Variants in PCDH15 observed in about 807,000 individuals in gnomAD.
PCDH15 encodes protocadherin related 15.
A neutral mutation model predicts 178.5 loss-of-function variants in PCDH15; 129 were observed. That is an observed-to-expected ratio of 0.72 (90% CI 0.63 to 0.84). PCDH15 has a LOEUF of 0.84. PCDH15 is among the 40% of genes least tolerant of loss of function. The pLI is 0.00. For missense variants in PCDH15, 2,230 were observed against 2,099.9 expected (o/e 1.06, Z -1.21); for synonymous variants, 800 against 732.0 (o/e 1.09, Z -1.50).
At chr10:55,122,536 G>C (rs1158415032) in intron 2 of PCDH15, among the ~76,000 whole-genome samples, 2 of 151,962 alleles carry the variant, frequency 1.3e-5, no homozygotes. Context: ...TATAAGATTA[G>C]GCATGTAAGA....
rs527922287 is a variant in PCDH15, at chr10:54,373,694, T to C, written c.319-4419A>G. 2.6e-5 allele frequency among the ~76,000 whole-genome samples: 4 copies of C among 152,098 alleles called. No homozygotes were observed. In the South Asian group the frequency reaches 8.3e-4, roughly 32 times the overall value. On this transcript the variant is annotated intron_variant, in intron 4 of 37. Transcript: ENST00000644397. ...TTAGTCCTTGGATACTAATAGCAAC[T>C]TTTATAAAACTGATATGAGGTGATC...
At chr10:54,140,590 T>C (rs11516669) in intron 14 of PCDH15, among the ~76,000 whole-genome samples, 48,692 of 151,660 alleles carry the variant, frequency 0.32, 9,174 homozygotes, top group African/African-American at 0.52. Context: ...TTCCTCAGCC[T>C]CAGTCCTCAG....
intron 2 of PCDH15, among the ~76,000 whole-genome samples, chr10:55,165,579 T>G (rs992560889): frequency 2.6e-5 from 4 of 151,992 alleles, no homozygotes; most frequent in Non-Finnish European, 5.9e-5. Context: ...TTTTAACATA[T>G]TCAGTAGCAA....
At chr10:55,474,204 G>A (rs919301515) in intron 2 of PCDH15, among the ~76,000 whole-genome samples, 1 of 152,150 alleles carries the variant, frequency 6.6e-6, no homozygotes, top group Non-Finnish European at 1.5e-5. Context: ...GAAATATATA[G>A]GAAGTATAAG....
At chr10:54,657,328 G>C (rs530065549) in intron 2 of PCDH15, among the ~76,000 whole-genome samples, 74 of 152,284 alleles carry the variant, frequency 4.9e-4, no homozygotes, top group African/African-American at 1.8e-3. Flanking sequence ...CATTGCCACA[G>C]CCCAACAGGA....
intron 7 of PCDH15, among the ~76,000 whole-genome samples, chr10:54,322,478 C>T (rs1269470057): frequency 1.3e-5 from 2 of 151,924 alleles, no homozygotes; most frequent in South Asian, 2.1e-4. Flanking sequence ...ACAAGTTCAA[C>T]CAGTACTCTG....
At chr10:55,329,831 T>C (rs1844149307) in intron 2 of PCDH15, among the ~76,000 whole-genome samples, 1 of 151,706 alleles carries the variant, frequency 6.6e-6, no homozygotes, top group Admixed American at 6.6e-5. Flanking sequence ...ATTGGGCATA[T>C]TTTTTTCCAT....
intron 1 of PCDH15, among the ~76,000 whole-genome samples, chr10:55,235,906 CAAAAAAA>C (rs144784085): frequency 4.3e-5 from 5 of 115,694 alleles, no homozygotes; most frequent in African/African-American, 1.3e-4. Context: ...GACTCCATGT[CAAAAAAA>C]AAAAAAAAAA....
chr10:53,992,747 A>G (rs1370990634), intron 21 of PCDH15, among the ~76,000 whole-genome samples: 2 of 152,218 alleles, frequency 1.3e-5, no homozygotes, highest in Non-Finnish European at 2.9e-5. Flanking sequence ...ATGATCAGTC[A>G]TTCACTATTC....
At chr10:54,068,431 A>G (rs1425153652) in intron 17 of PCDH15, among the ~76,000 whole-genome samples, 10 of 152,184 alleles carry the variant, frequency 6.6e-5, no homozygotes, top group Non-Finnish European at 1.5e-4. Flanking sequence ...GAACATCATT[A>G]TATAGTCAAA....
At chr10:54,568,724 A>T (rs1225413310) in intron 2 of PCDH15, 2 of 152,152 alleles carry the variant, frequency 1.3e-5, no homozygotes, top group East Asian at 1.9e-4. Context: ...AACTTCATAT[A>T]AATGAAATAA....
intron 2 of PCDH15, among the ~76,000 whole-genome samples, chr10:54,536,836 T>G (rs2084586696): frequency 6.6e-6 from 1 of 152,134 alleles, no homozygotes; most frequent in Admixed American, 6.5e-5. Context: ...TTCATTCTAT[T>G]TTTATGGCTG....
At chr10:53,973,607 T>C (rs1445958349) in intron 21 of PCDH15, among the ~76,000 whole-genome samples, 1 of 152,146 alleles carries the variant, frequency 6.6e-6, no homozygotes, top group African/African-American at 2.4e-5. Context: ...GTAAATTACT[T>C]TTTTGGTTCC....
rs989192489 is a variant in PCDH15, at chr10:54,735,502, C to T, written c.-29+65423G>A. Among the ~76,000 whole-genome samples the T allele has an allele frequency of 5.9e-4, 89 of 149,962 alleles. 1 individual carries two copies. Among genetic ancestry groups the T allele is most frequent in the Non-Finnish European group, 1.1e-3 (77 of 67,416 alleles). ...AACTAGAAATACCATTTGACCCAGC[C>T]ATCTCATTACTGGGTATATACCCAA... On this transcript the variant is annotated intron_variant, in intron 1 of 37. Transcript: ENST00000644397.
intron 2 of PCDH15, among the ~76,000 whole-genome samples, chr10:55,141,384 C>CA (rs1312550015): frequency 6.6e-6 from 1 of 151,738 alleles, no homozygotes; most frequent in African/African-American, 2.4e-5. Context: ...CAAAAAGCTG[C>CA]AAAAAGGGAT....
At chr10:54,895,621 C>T (rs773088774) in intron 3 of PCDH15, among the ~76,000 whole-genome samples, 5 of 152,066 alleles carry the variant, frequency 3.3e-5, no homozygotes, top group Admixed American at 1.3e-4. Context: ...ACTAATAATA[C>T]GCCTAAAAGA....
intron 3 of PCDH15, among the ~76,000 whole-genome samples, chr10:54,472,275 C>T (rs776998511): frequency 7.0e-6 from 1 of 143,558 alleles, no homozygotes. Context: ...GGTTGCTGTT[C>T]CAAATGTTAT....
At chr10:54,106,307 C>G (rs1414434401) in intron 15 of PCDH15, among the ~76,000 whole-genome samples, 1 of 152,184 alleles carries the variant, frequency 6.6e-6, no homozygotes, top group Non-Finnish European at 1.5e-5. Context: ...TAATAACAAG[C>G]AAGAATTATT....
chr10:54,294,117 AC>A (rs199626329), intron 8 of PCDH15, among the ~76,000 whole-genome samples: 2,040 of 152,278 alleles, frequency 0.013, 40 homozygotes, highest in South Asian at 0.044. Flanking sequence ...GCACATATAC[AC>A]CATGGAATAC....
Sources: allele counts gnomAD v4.1 joint callset (sites outside exome capture counted in the v4.1 genomes callset), GRCh38; gene constraint gnomAD v4.1.1; transcripts MANE v1.5; gene names NCBI Gene and HGNC (gene_info 2026-07-23, HGNC 2026-07-21).